ADAMTSL1: variants seen among roughly 807,000 people sequenced by gnomAD.
The protein encoded by ADAMTSL1 is ADAMTS like 1, also known as ADAMTS-like protein 1.
In ADAMTSL1, 126 loss-of-function variants were observed where a neutral mutation model predicts 201.8. That is an observed-to-expected ratio of 0.62 (90% CI 0.54 to 0.72). The LOEUF (loss-of-function observed/expected upper bound fraction) is 0.72, where lower values mean the gene tolerates loss of function less well. Among genes scored for constraint, ADAMTSL1 ranks in the 30% least tolerant of loss-of-function variants. The pLI is 0.00. For missense variants in ADAMTSL1, 2,679 were observed against 2,277.8 expected (o/e 1.18, Z -3.59); for synonymous variants, 1,121 against 903.4 (o/e 1.24, Z -4.32).
At chr9:18,416,851 T>A (rs913616430) in intron 2 of ADAMTSL1, among the ~76,000 whole-genome samples, 1 of 151,996 alleles carries the variant, frequency 6.6e-6, no homozygotes, top group Non-Finnish European at 1.5e-5. Flanking sequence ...CCTCCCTCAA[T>A]AATTGAGAGA....
intron 1 of ADAMTSL1, among the ~76,000 whole-genome samples, chr9:17,970,039 C>T (rs1054447005): frequency 4.6e-5 from 7 of 152,044 alleles, no homozygotes; most frequent in African/African-American, 1.7e-4. Context: ...GCCTTGAACA[C>T]GTGGCTAATC....
chr9:18,124,431 C>G (rs1420351309), intron 1 of ADAMTSL1, among the ~76,000 whole-genome samples: 1 of 152,000 alleles, frequency 6.6e-6, no homozygotes, highest in Non-Finnish European at 1.5e-5. Context: ...TTGCCAAATT[C>G]TTGTCATTTT....
intron 2 of ADAMTSL1, among the ~76,000 whole-genome samples, chr9:18,247,032 T>A (rs1343030462): frequency 2.0e-5 from 3 of 152,162 alleles, no homozygotes; most frequent in African/African-American, 7.2e-5. Context: ...TAGTTATGCA[T>A]GTGTTTTTTT....
chr9:18,479,505 C>A (rs1165324121), intron 1 of ADAMTSL1, among the ~76,000 whole-genome samples: 1 of 152,136 alleles, frequency 6.6e-6, no homozygotes, highest in Non-Finnish European at 1.5e-5. Context: ...CAAATTCTAC[C>A]CATATATAGC....
intron 2 of ADAMTSL1, among the ~76,000 whole-genome samples, chr9:18,467,750 G>A (rs531676544): frequency 6.6e-5 from 10 of 152,256 alleles, no homozygotes; most frequent in African/African-American, 2.2e-4. Flanking sequence ...GAAGTAGTTG[G>A]GTAATATCAA....
intron 1 of ADAMTSL1, among the ~76,000 whole-genome samples, chr9:18,006,465 T>G (rs544693643): frequency 7.2e-4 from 110 of 152,134 alleles, no homozygotes; most frequent in Non-Finnish European, 1.3e-3. Context: ...GACAGGAAGA[T>G]TCTTGTGTTC....
At chr9:18,670,447 C>A (rs1163869213) in intron 9 of ADAMTSL1, among the ~76,000 whole-genome samples, 1 of 152,180 alleles carries the variant, frequency 6.6e-6, no homozygotes, top group Non-Finnish European at 1.5e-5. Context: ...CAATCACCCC[C>A]GCTTGCCTGA....
chr9:18,474,832 G>C (rs1587317226), intron 1 of ADAMTSL1, among the ~76,000 whole-genome samples: 1 of 152,126 alleles, frequency 6.6e-6, no homozygotes, highest in African/African-American at 2.4e-5. Flanking sequence ...TTTATGGATA[G>C]AAGTTAATGC....
chr9:18,061,599 T>G (rs1470274299), intron 1 of ADAMTSL1, among the ~76,000 whole-genome samples: 1 of 152,196 alleles, frequency 6.6e-6, no homozygotes, highest in Admixed American at 6.5e-5. Flanking sequence ...GAAAAAGTCT[T>G]GTTTCCTGAA....
At chr9:18,856,710 C>T (rs532212410) in intron 23 of ADAMTSL1, among the ~76,000 whole-genome samples, 18 of 152,038 alleles carry the variant, frequency 1.2e-4, no homozygotes, top group African/African-American at 3.4e-4. Context: ...CTCCTGCCTC[C>T]GCCTCCCAAA....
At chr9:17,961,124 T>C (rs1394582763) in intron 1 of ADAMTSL1, among the ~76,000 whole-genome samples, 2 of 152,178 alleles carry the variant, frequency 1.3e-5, no homozygotes, top group African/African-American at 4.8e-5. Flanking sequence ...TTGGAATCAC[T>C]TGGTTCTAGG....
intron 1 of ADAMTSL1, among the ~76,000 whole-genome samples, chr9:18,052,974 T>G (rs965706170): frequency 1.3e-5 from 2 of 152,186 alleles, no homozygotes; most frequent in African/African-American, 4.8e-5. Context: ...GTCTTCAAGT[T>G]TCATCCTTTC....
At chr9:18,355,856 C>T (rs1836197958) in intron 2 of ADAMTSL1, among the ~76,000 whole-genome samples, 1 of 152,122 alleles carries the variant, frequency 6.6e-6, no homozygotes, top group African/African-American at 2.4e-5. Context: ...AATATATATA[C>T]TGTTAATTAA....
chr9:18,147,979 G>GA (rs1826725186), intron 1 of ADAMTSL1, among the ~76,000 whole-genome samples: 1 of 151,820 alleles, frequency 6.6e-6, no homozygotes, highest in Admixed American at 6.6e-5. Context: ...TAAGACCATG[G>GA]AAAAAAGAGA....
At chr9:18,563,529 G>T (rs1174701328) in intron 3 of ADAMTSL1, among the ~76,000 whole-genome samples, 1 of 152,216 alleles carries the variant, frequency 6.6e-6, no homozygotes, top group African/African-American at 2.4e-5. Flanking sequence ...CCTTAGTAGA[G>T]CTCTAGCGCT....
In ADAMTSL1 at chr9:18,574,549, T is replaced by G. The variant is rs770784201; in HGVS notation, c.474+283T>G. The G allele has an allele frequency of 1.0e-4, 56 of 550,466 alleles. No individual in the cohort carries two copies. The Middle Eastern group carries it at 1.4e-3, about 14-fold the overall frequency. The allele number at this position is 550,466 out of a possible 1,614,324, so 34.1% of individuals were successfully genotyped here. On this transcript the variant is annotated intron_variant, in intron 4 of 28. Coordinates refer to ENST00000380548, the MANE Select transcript of ADAMTSL1 (RefSeq NM_001040272.6). ...TGTTTATCAATTATGTACTAGACTT[T>G]GAAATTATCCCCTGGATTGGCTATT... is the stretch of plus-strand genomic sequence containing the variant.
intron 16 of ADAMTSL1, among the ~76,000 whole-genome samples, chr9:18,754,811 G>A (rs1323209899): frequency 2.0e-5 from 3 of 152,198 alleles, no homozygotes; most frequent in African/African-American, 7.2e-5. Context: ...GAGCTTAAAT[G>A]TATATGGCTA....
chr9:18,266,637 C>T (rs908274293), intron 2 of ADAMTSL1, among the ~76,000 whole-genome samples: 1 of 152,230 alleles, frequency 6.6e-6, no homozygotes, highest in East Asian at 1.9e-4. Context: ...TCAAGTGTTT[C>T]TAAAGAGTCA....
At chr9:18,690,819 CT>C (rs1310071880) in intron 13 of ADAMTSL1, among the ~76,000 whole-genome samples, 1 of 152,170 alleles carries the variant, frequency 6.6e-6, no homozygotes, top group African/African-American at 2.4e-5. Context: ...CAGCAAAGTG[CT>C]TAATATAATT....
Sources: allele counts gnomAD v4.1 joint callset (sites outside exome capture counted in the v4.1 genomes callset), GRCh38; gene constraint gnomAD v4.1.1; transcripts MANE v1.5; gene names NCBI Gene and HGNC (gene_info 2026-07-23, HGNC 2026-07-21).